Variants in TNR observed in about 807,000 individuals in gnomAD.
The protein encoded by TNR is tenascin-R.
TNR carries 45 observed loss-of-function variants against 150.4 expected under a neutral mutation model. The ratio of observed to expected loss-of-function variants is 0.30; its 90% CI spans 0.24 to 0.38. The LOEUF is 0.38. Among genes scored for constraint, TNR ranks in the 10% least tolerant of loss-of-function variants. The pLI is 1.00. For synonymous variants in TNR, 687 were observed against 678.4 expected (o/e 1.01, Z -0.20); for missense variants, 1,544 against 1,759.1 (o/e 0.88, Z 2.19).
At chr1:175,426,889 AAT>A (rs1349397401) in intron 2 of TNR, among the ~76,000 whole-genome samples, 2 of 53,954 alleles carry the variant, frequency 3.7e-5, no homozygotes, top group Admixed American at 3.4e-4. Context: ...ATAAAATATA[AAT>A]ATATATAAAA....
At chr1:175,412,568 C>T (rs992563072) in intron 2 of TNR, among the ~76,000 whole-genome samples, 15 of 152,064 alleles carry the variant, frequency 9.9e-5, no homozygotes, top group African/African-American at 2.4e-4. Context: ...AATTCTCCAC[C>T]GAGCCAGCAG....
At chr1:175,606,652 C>A (rs947128873) in intron 1 of TNR, among the ~76,000 whole-genome samples, 2 of 152,142 alleles carry the variant, frequency 1.3e-5, no homozygotes, top group Non-Finnish European at 2.9e-5. Flanking sequence ...TTGTCCAGAG[C>A]AGCTCTGTTG....
At chr1:175,684,005 C>A (rs1427706235) in intron 1 of TNR, among the ~76,000 whole-genome samples, 6 of 152,158 alleles carry the variant, frequency 3.9e-5, no homozygotes, top group African/African-American at 7.2e-5. Flanking sequence ...GAGACTCCAG[C>A]CAAAGTGGGA....
chr1:175,429,969 A>G (rs929274390), intron 2 of TNR, among the ~76,000 whole-genome samples: 1 of 151,994 alleles, frequency 6.6e-6, no homozygotes, highest in Non-Finnish European at 1.5e-5. Flanking sequence ...TTCTCACAGT[A>G]CTTTGTGCAA....
At chr1:175,518,605 A>C (rs1475325064) in intron 2 of TNR, among the ~76,000 whole-genome samples, 1 of 152,176 alleles carries the variant, frequency 6.6e-6, no homozygotes, top group Non-Finnish European at 1.5e-5. Flanking sequence ...AATGCTCTGC[A>C]TACAATTCTC....
At chr1:175,464,203 C>T (rs2102108732) in intron 2 of TNR, among the ~76,000 whole-genome samples, 1 of 152,304 alleles carries the variant, frequency 6.6e-6, no homozygotes, top group South Asian at 2.1e-4. Context: ...AAGACAAAGC[C>T]CAATTGCATT....
At chr1:175,601,735 T>A (rs939554310) in intron 1 of TNR, among the ~76,000 whole-genome samples, 1 of 152,222 alleles carries the variant, frequency 6.6e-6, no homozygotes, top group Non-Finnish European at 1.5e-5. Flanking sequence ...CACTCACTTA[T>A]GATCTGTAAG....
At chr1:175,616,580 G>A (rs903340800) in intron 1 of TNR, among the ~76,000 whole-genome samples, 2 of 152,188 alleles carry the variant, frequency 1.3e-5, no homozygotes, top group African/African-American at 4.8e-5. Context: ...AACAGGTGGT[G>A]TTCAGAGCTG....
intron 2 of TNR, among the ~76,000 whole-genome samples, chr1:175,426,380 G>A (rs1446473342): frequency 1.3e-5 from 2 of 152,154 alleles, no homozygotes; most frequent in Middle Eastern, 3.2e-3. Context: ...GTCCACTGTA[G>A]GTGCTGTCGC....
At chr1:175,477,099 A>G (rs1244308758) in intron 2 of TNR, among the ~76,000 whole-genome samples, 1 of 152,232 alleles carries the variant, frequency 6.6e-6, no homozygotes, top group Non-Finnish European at 1.5e-5. Flanking sequence ...GCAAGGATAA[A>G]TGAGATAATA....
At chr1:175,354,148 A>G (rs1426704082) in intron 18 of TNR, among the ~76,000 whole-genome samples, 2 of 152,134 alleles carry the variant, frequency 1.3e-5, no homozygotes, top group African/African-American at 2.4e-5. Context: ...CCCAGCCAGA[A>G]CCTGATGTCT....
At chr1:175,330,003 T>C in intron 21 of TNR, 71 bp downstream of exon 21, 2 of 1,402,830 alleles carry the variant, frequency 1.4e-6, no homozygotes, top group Non-Finnish European at 9.4e-7. Context: ...CTGAGGCAGC[T>C]TACGCCTAGA....
At chr1:175,699,776 G>A (rs920658582) in intron 1 of TNR, among the ~76,000 whole-genome samples, 7 of 152,102 alleles carry the variant, frequency 4.6e-5, no homozygotes, top group South Asian at 2.1e-4. Flanking sequence ...AAGGGTATGA[G>A]TATGGGAATA....
intron 2 of TNR, among the ~76,000 whole-genome samples, chr1:175,466,342 A>C (rs1385538): frequency 0.55 from 83,103 of 151,942 alleles, 23,172 homozygotes; most frequent in East Asian, 0.67. Context: ...GAGTCCCCTG[A>C]AAAATCAGGG....
intron 1 of TNR, among the ~76,000 whole-genome samples, chr1:175,627,309 AAAAAC>A (rs1664183956): frequency 6.6e-6 from 1 of 152,224 alleles, no homozygotes; most frequent in Admixed American, 6.5e-5. Context: ...AGCTGGGATG[AAAAAC>A]TCTGATCCTT....
intron 8 of TNR, among the ~76,000 whole-genome samples, chr1:175,382,834 G>A (rs985407865): frequency 4.0e-5 from 6 of 151,666 alleles, no homozygotes; most frequent in African/African-American, 1.2e-4. Flanking sequence ...CTGGGAGGCG[G>A]AGGTTGCAGT....
chr1:175,709,156 C>A (rs1666924364), intron 1 of TNR, among the ~76,000 whole-genome samples: 1 of 152,068 alleles, frequency 6.6e-6, no homozygotes, highest in Non-Finnish European at 1.5e-5. Flanking sequence ...AGGTGATATA[C>A]AGGGCCTCCT....
chr1:175,420,350 C>G (rs1036916726), intron 2 of TNR, among the ~76,000 whole-genome samples: 3 of 152,302 alleles, frequency 2.0e-5, no homozygotes, highest in Non-Finnish European at 4.4e-5. Flanking sequence ...GACTCATTCC[C>G]TCCGTAGTCA....
chr1:175,450,354 C>A (rs1656246335), intron 2 of TNR, among the ~76,000 whole-genome samples: 1 of 152,206 alleles, frequency 6.6e-6, no homozygotes, highest in Admixed American at 6.5e-5. Flanking sequence ...CAACTGTCAG[C>A]TGATCTTAAC....
Sources: gnomAD v4.1 joint callset for allele counts (sites outside exome capture counted in the v4.1 genomes callset) on GRCh38, gnomAD v4.1.1 for gene constraint, MANE v1.5 for transcripts, NCBI Gene and HGNC (gene_info 2026-07-23, HGNC 2026-07-21) for gene names.